Variants in VAT1L observed in about 807,000 individuals in gnomAD.
VAT1L encodes putative NADPH-dependent quinone oxidoreductase VAT1L.
A neutral mutation model predicts 44.1 loss-of-function variants in VAT1L; 34 were observed. That is an observed-to-expected ratio of 0.77 (90% confidence interval 0.59 to 1.03). The LOEUF is 1.03. VAT1L is among the 50% of genes least tolerant of loss of function. The pLI is 0.00. For missense variants in VAT1L, 615 were observed against 538.8 expected (o/e 1.14, Z -1.40); for synonymous variants, 253 against 202.2 (o/e 1.25, Z -2.13).
chr16:77,944,519 A>G lies in VAT1L; in HGVS notation c.1078-27331A>G, dbSNP rs879870983. Among the ~76,000 whole-genome samples the G allele has an allele frequency of 2.0e-5, 3 of 152,208 alleles. No individual in the cohort carries two copies. The South Asian group carries it at 6.2e-4, about 32-fold the overall frequency. On this transcript the variant is annotated intron_variant, in intron 7 of 8. Transcript: ENST00000302536. ...CTTTTTTAGCTCTGTGACCATGAGC[A>G]TAGTAAGTGCTAGGATCCTCAATTT... is the stretch of plus-strand genomic sequence containing the variant.
intron 3 of VAT1L, among the ~76,000 whole-genome samples, chr16:77,828,385 C>T (rs554788887): frequency 2.6e-5 from 4 of 152,092 alleles, no homozygotes; most frequent in African/African-American, 7.2e-5. Flanking sequence ...GAGTGGGGGC[C>T]GGGCGCGGTG....
chr16:77,824,093 T>C (rs1018525163), intron 2 of VAT1L, among the ~76,000 whole-genome samples: 3 of 152,180 alleles, frequency 2.0e-5, no homozygotes, highest in Non-Finnish European at 2.9e-5. Flanking sequence ...AGGCTGTAAG[T>C]TCCTCATGTT....
At chr16:77,975,067 A>G (rs373929) in intron 8 of VAT1L, among the ~76,000 whole-genome samples, 56,657 of 151,762 alleles carry the variant, frequency 0.37, 10,900 homozygotes, top group Middle Eastern at 0.43. Context: ...TTTTAGGGTT[A>G]GCACCTGACA....
intron 4 of VAT1L, among the ~76,000 whole-genome samples, chr16:77,871,247 A>C (rs551379207): frequency 4.1e-5 from 6 of 147,222 alleles, no homozygotes; most frequent in Admixed American, 3.4e-4. Context: ...CCTCCACCCC[A>C]CCACTGACCT....
chr16:77,948,810 A>G (rs989017508), intron 7 of VAT1L, among the ~76,000 whole-genome samples: 4 of 152,162 alleles, frequency 2.6e-5, no homozygotes, highest in Non-Finnish European at 5.9e-5. Flanking sequence ...TAATGTCCCT[A>G]ATGTTCATCT....
chr16:77,967,651 G>A (rs1036676627), intron 7 of VAT1L, among the ~76,000 whole-genome samples: 2 of 152,200 alleles, frequency 1.3e-5, no homozygotes, highest in Admixed American at 1.3e-4. Context: ...CAGATTAGAG[G>A]CAGCCCTGCA....
intron 7 of VAT1L, among the ~76,000 whole-genome samples, chr16:77,968,624 T>G (rs1325713480): frequency 6.6e-6 from 1 of 151,776 alleles, no homozygotes; most frequent in East Asian, 2.0e-4. Flanking sequence ...ACTCAGGAAG[T>G]TGAGGCTGGA....
At chr16:77,833,211 C>G (rs538925096) in intron 3 of VAT1L, among the ~76,000 whole-genome samples, 88 of 152,310 alleles carry the variant, frequency 5.8e-4, no homozygotes, top group African/African-American at 2.1e-3. Flanking sequence ...GACAGATTCT[C>G]TTCTTTCAAT....
intron 7 of VAT1L, among the ~76,000 whole-genome samples, chr16:77,936,363 G>A (rs1186633693): frequency 1.3e-5 from 2 of 152,166 alleles, no homozygotes; most frequent in African/African-American, 4.8e-5. Flanking sequence ...ACTACAGTGA[G>A]TAAGGGGAGC....
At chr16:77,872,586 C>T (rs1221804571) in intron 4 of VAT1L, among the ~76,000 whole-genome samples, 1 of 152,110 alleles carries the variant, frequency 6.6e-6, no homozygotes, top group Non-Finnish European at 1.5e-5. Context: ...AAGCAAGCGG[C>T]CCTTTGTTTT....
chr16:77,877,943 A>G (rs2017107238), intron 5 of VAT1L, among the ~76,000 whole-genome samples: 2 of 152,196 alleles, frequency 1.3e-5, no homozygotes, highest in Admixed American at 6.5e-5. Context: ...GCACGTTGCA[A>G]GGATATCGGA....
intron 7 of VAT1L, among the ~76,000 whole-genome samples, chr16:77,913,395 G>A (rs2017518684): frequency 6.6e-6 from 1 of 151,902 alleles, no homozygotes; most frequent in Non-Finnish European, 1.5e-5. Context: ...TTTAGTCCAA[G>A]CAAACTCCTG....
chr16:77,962,763 G>GGAAGGAAC (rs2018176781), intron 7 of VAT1L, among the ~76,000 whole-genome samples: 2 of 151,426 alleles, frequency 1.3e-5, no homozygotes, highest in Non-Finnish European at 2.9e-5. Context: ...AAGGAAGGAA[G>GGAAGGAAC]GAAGGAAGGA....
chr16:77,866,808 G>A (rs777727462), intron 4 of VAT1L, among the ~76,000 whole-genome samples: 42 of 152,098 alleles, frequency 2.8e-4, no homozygotes, highest in Non-Finnish European at 5.6e-4. Flanking sequence ...ATGATTATGA[G>A]TGAAACCAAG....
chr16:77,899,998 C>T (rs1211751034), intron 7 of VAT1L, among the ~76,000 whole-genome samples: 5 of 152,206 alleles, frequency 3.3e-5, no homozygotes, highest in Non-Finnish European at 5.9e-5. Flanking sequence ...CAAGCTACAC[C>T]GTATGCAAGG....
rs572103076 is a variant in VAT1L at position 77,880,145 on chromosome 16, A to C, written c.882+921A>C. 1.5e-4 allele frequency among the ~76,000 whole-genome samples: 23 copies of C among 152,290 alleles called. 1 individual carries two copies. Among genetic ancestry groups the C allele is most frequent in the African/African-American group, 5.3e-4 (22 of 41,564 alleles). On this transcript the variant is annotated intron_variant, in intron 6 of 8. Coordinates refer to ENST00000302536, the MANE Select transcript of VAT1L (RefSeq NM_020927.3). ...TCCTATCTGGAGCTATACTTGCTAG[A>C]ATTATACTGATGTTGGCTTGAACTT...
At chr16:77,946,490 G>A (rs1395660551) in intron 7 of VAT1L, among the ~76,000 whole-genome samples, 1 of 151,506 alleles carries the variant, frequency 6.6e-6, no homozygotes, top group Non-Finnish European at 1.5e-5. Context: ...CACCGTGTTA[G>A]CCAGCATGAT....
At chr16:77,923,937 T>TG (rs2017639144) in intron 7 of VAT1L, among the ~76,000 whole-genome samples, 1 of 152,198 alleles carries the variant, frequency 6.6e-6, no homozygotes, top group Non-Finnish European at 1.5e-5. Flanking sequence ...CCTCATGGTC[T>TG]GGGGTCTGCC....
chr16:77,897,345 ACTGAGTC>A (rs1182106394), intron 7 of VAT1L, among the ~76,000 whole-genome samples: 1 of 152,214 alleles, frequency 6.6e-6, no homozygotes, highest in Non-Finnish European at 1.5e-5. Flanking sequence ...TGTGCAATCA[ACTGAGTC>A]CATATGTGGT....
Sources: allele counts gnomAD v4.1 joint callset (sites outside exome capture counted in the v4.1 genomes callset), GRCh38; gene constraint gnomAD v4.1.1; transcripts MANE v1.5; gene names NCBI Gene and HGNC (gene_info 2026-07-23, HGNC 2026-07-21).